The following AUTS2 variants were observed in gnomAD, a reference collection of about 807,000 sequenced individuals.
AUTS2 encodes the protein activator of transcription and developmental regulator AUTS2.
In AUTS2, 17 loss-of-function variants were observed where a neutral mutation model predicts 112.4. That is an observed-to-expected ratio of 0.15 (90% CI 0.10 to 0.23). The LOEUF is 0.23. AUTS2 is among the 10% of genes least tolerant of loss of function. AUTS2 has a pLI of 1.00. For synonymous variants in AUTS2, 751 were observed against 702.7 expected (o/e 1.07, Z -1.09); for missense variants, 1,510 against 1,701.6 (o/e 0.89, Z 1.98).
chr7:70,777,215 C>T, intron 14 of AUTS2, 41 bp downstream of exon 14: 1 of 1,564,848 alleles, frequency 6.4e-7, no homozygotes, highest in East Asian at 2.2e-5. Context: ...ATGGGATGCA[C>T]ATGTGAGTGT....
intron 1 of AUTS2, among the ~76,000 whole-genome samples, chr7:69,692,736 G>C (rs1797402290): frequency 6.6e-6 from 1 of 152,184 alleles, no homozygotes; most frequent in South Asian, 2.1e-4. Flanking sequence ...TGGTTTCTTT[G>C]TTCTCTTTTG....
intron 1 of AUTS2, among the ~76,000 whole-genome samples, chr7:69,708,557 A>G (rs1798167854): frequency 6.6e-6 from 1 of 152,228 alleles, no homozygotes; most frequent in African/African-American, 2.4e-5. Context: ...TCATGCATGC[A>G]AGTGCTACAT....
At chr7:69,779,976 C>T (rs1173022708) in intron 1 of AUTS2, among the ~76,000 whole-genome samples, 1 of 151,966 alleles carries the variant, frequency 6.6e-6, no homozygotes, top group Non-Finnish European at 1.5e-5. Flanking sequence ...TCACTTCAGC[C>T]TCTGCAGCAG....
chr7:70,345,356 A>G (rs1438578080), intron 4 of AUTS2, among the ~76,000 whole-genome samples: 1 of 152,192 alleles, frequency 6.6e-6, no homozygotes, highest in African/African-American at 2.4e-5. Context: ...AACCTCAGTG[A>G]TACTTATAAG....
chr7:70,719,332 G>A lies in AUTS2; in HGVS notation c.742+20712G>A, dbSNP rs143582120. Among the ~76,000 whole-genome samples the A allele has an allele frequency of 2.4e-4, 36 of 152,284 alleles. No individual in the cohort carries two copies. The East Asian group carries it at 4.4e-3, about 19-fold the overall frequency. On this transcript the variant is annotated intron_variant, in intron 6 of 18. Transcript: ENST00000342771. Reference sequence around the variant, plus strand: ...AAGAGTATCGCCTTCCAAAGTAAGCGTTTAGGGTTGCCTGGTTGTCAAGGG... The same window carrying A: ...AAGAGTATCGCCTTCCAAAGTAAGCATTTAGGGTTGCCTGGTTGTCAAGGG...
intron 5 of AUTS2, among the ~76,000 whole-genome samples, chr7:70,680,988 C>T (rs555965725): frequency 3.9e-5 from 6 of 152,348 alleles, no homozygotes; most frequent in African/African-American, 1.4e-4. Flanking sequence ...ATGCTCCCTA[C>T]ATTTTTTTCT....
At chr7:69,851,431 G>A (rs1323998764) in intron 1 of AUTS2, among the ~76,000 whole-genome samples, 3 of 152,010 alleles carry the variant, frequency 2.0e-5, no homozygotes, top group Non-Finnish European at 4.4e-5. Flanking sequence ...TTTATGTTTT[G>A]TAGAGACAGT....
chr7:70,317,723 T>C (rs1173428398), intron 4 of AUTS2, among the ~76,000 whole-genome samples: 1 of 152,178 alleles, frequency 6.6e-6, no homozygotes, highest in African/African-American at 2.4e-5. Flanking sequence ...ATTGCCTGAC[T>C]TAAAGGTACC....
At chr7:70,203,921 AAAAT>A (rs1468591822) in intron 4 of AUTS2, among the ~76,000 whole-genome samples, 12 of 152,024 alleles carry the variant, frequency 7.9e-5, no homozygotes, top group East Asian at 3.9e-4. Context: ...TTATGTTTTG[AAAAT>A]AAATGAATGA....
At chr7:70,030,718 G>C (rs1800736226) in intron 2 of AUTS2, among the ~76,000 whole-genome samples, 1 of 152,052 alleles carries the variant, frequency 6.6e-6, no homozygotes, top group Non-Finnish European at 1.5e-5. Flanking sequence ...CCAAAACTCT[G>C]GTGTATAATA....
intron 2 of AUTS2, among the ~76,000 whole-genome samples, chr7:70,060,774 A>G (rs988857679): frequency 6.6e-6 from 1 of 152,162 alleles, no homozygotes; most frequent in Non-Finnish European, 1.5e-5. Flanking sequence ...CCATGCAGGT[A>G]TGTTGTTTGT....
intron 1 of AUTS2, among the ~76,000 whole-genome samples, chr7:69,748,708 T>C (rs1042736617): frequency 6.6e-6 from 1 of 152,078 alleles, no homozygotes; most frequent in Non-Finnish European, 1.5e-5. Context: ...TCAAACATCC[T>C]AGGAGTCCCT....
intron 5 of AUTS2, among the ~76,000 whole-genome samples, chr7:70,504,228 T>G (rs1467641678): frequency 6.6e-6 from 1 of 151,852 alleles, no homozygotes; most frequent in Non-Finnish European, 1.5e-5. Flanking sequence ...CTCCAGCTCC[T>G]AATAGCCACA....
chr7:70,250,724 A>G (rs1252966495), intron 4 of AUTS2, among the ~76,000 whole-genome samples: 1 of 152,132 alleles, frequency 6.6e-6, no homozygotes, highest in African/African-American at 2.4e-5. Flanking sequence ...CAACATTGAC[A>G]GAGGTAGAGG....
chr7:69,918,315 C>A (rs1206627106), intron 2 of AUTS2, among the ~76,000 whole-genome samples: 1 of 152,146 alleles, frequency 6.6e-6, no homozygotes, highest in Non-Finnish European at 1.5e-5. Context: ...ATGGTAGTTG[C>A]TGGACCCTTG....
intron 1 of AUTS2, among the ~76,000 whole-genome samples, chr7:69,669,758 G>C (rs1796230633): frequency 6.6e-6 from 1 of 151,860 alleles, no homozygotes; most frequent in Non-Finnish European, 1.5e-5. Flanking sequence ...TATGAAGCAT[G>C]TGTGTGTCAT....
intron 6 of AUTS2, among the ~76,000 whole-genome samples, chr7:70,738,425 T>G (rs903157259): frequency 4.6e-5 from 7 of 151,646 alleles, no homozygotes; most frequent in Non-Finnish European, 8.8e-5. Context: ...TTTGTTTTTT[T>G]TTTTTTTACT....
intron 1 of AUTS2, among the ~76,000 whole-genome samples, chr7:69,758,729 G>A (rs867319106): frequency 1.3e-5 from 2 of 152,098 alleles, no homozygotes; most frequent in Non-Finnish European, 2.9e-5. Flanking sequence ...TCTTAAGGTG[G>A]TGGAGGTGTG....
chr7:70,444,373 T>TGTGTGTGTGTGTGA (rs372696006), intron 5 of AUTS2, among the ~76,000 whole-genome samples: 32 of 142,508 alleles, frequency 2.2e-4, no homozygotes, highest in African/African-American at 7.8e-4. Flanking sequence ...TGTGTGTGTG[T>TGTGTGTGTGTGTGA]GAGAGAGAGA....
Sources: gnomAD v4.1 joint callset for allele counts (sites outside exome capture counted in the v4.1 genomes callset) on GRCh38, gnomAD v4.1.1 for gene constraint, MANE v1.5 for transcripts, NCBI Gene and HGNC (gene_info 2026-07-23, HGNC 2026-07-21) for gene names.